Variants in CNBD1 observed in about 807,000 individuals in gnomAD.
CNBD1 encodes the protein cyclic nucleotide binding domain containing 1, also known as cyclic nucleotide-binding domain-containing protein 1.
CNBD1 carries 71 observed loss-of-function variants against 54.4 expected under a neutral mutation model. The observed-to-expected ratio is 1.30, with a 90% confidence interval of 1.08 to 1.59. The LOEUF is 1.59. Ranked by LOEUF, CNBD1 falls within the 40% of genes most tolerant of loss-of-function variation. The probability of loss-of-function intolerance (pLI) is 0.00; values close to 1 mark genes in which losing one functional copy is unlikely to be tolerated. For synonymous variants in CNBD1, 182 were observed against 170.7 expected, an observed-to-expected ratio of 1.07 and a Z score of -0.51; for missense variants, 659 against 518.0, an observed-to-expected ratio of 1.27 and a Z score of -2.64.
chr8:86,885,542 T>C (rs7818940), intron 1 of CNBD1, among the ~76,000 whole-genome samples: 70,365 of 152,024 alleles, frequency 0.46, 16,500 homozygotes, highest in East Asian at 0.55. Context: ...CTTTATACTC[T>C]TTGAACCTCT....
chr8:87,331,724 A>G (rs1218619486), intron 8 of CNBD1, among the ~76,000 whole-genome samples: 1 of 152,050 alleles, frequency 6.6e-6, no homozygotes, highest in Non-Finnish European at 1.5e-5. Flanking sequence ...ACCAGCATCT[A>G]TTGTTGGTTT....
At chr8:86,997,248 A>C (rs1343402545) in intron 4 of CNBD1, among the ~76,000 whole-genome samples, 1 of 152,166 alleles carries the variant, frequency 6.6e-6, no homozygotes, top group Admixed American at 6.5e-5. Flanking sequence ...TTTAGAGAAG[A>C]CAGATTTAAG....
intron 4 of CNBD1, among the ~76,000 whole-genome samples, chr8:87,113,052 G>T (rs1439943517): frequency 6.6e-6 from 1 of 152,198 alleles, no homozygotes; most frequent in African/African-American, 2.4e-5. Context: ...TTGCATCATA[G>T]AGACTGTCCT....
At chr8:87,070,065 A>C (rs1465749694) in intron 4 of CNBD1, among the ~76,000 whole-genome samples, 1 of 152,088 alleles carries the variant, frequency 6.6e-6, no homozygotes, top group Non-Finnish European at 1.5e-5. Context: ...AGATAGCTGG[A>C]TACTCAAAGG....
At chr8:87,219,960 A>C (rs1245295603) in intron 5 of CNBD1, among the ~76,000 whole-genome samples, 1 of 152,040 alleles carries the variant, frequency 6.6e-6, no homozygotes, top group East Asian at 1.9e-4. Context: ...ACTAAAAAAT[A>C]ATAGGCAATA....
At chr8:87,115,634 T>C (rs1301711282) in intron 4 of CNBD1, among the ~76,000 whole-genome samples, 2 of 152,100 alleles carry the variant, frequency 1.3e-5, no homozygotes, top group Non-Finnish European at 2.9e-5. Context: ...TGGGAAATAG[T>C]TCTTAAGGTT....
At chr8:87,310,735 A>T (rs978941020) in intron 8 of CNBD1, among the ~76,000 whole-genome samples, 1 of 152,186 alleles carries the variant, frequency 6.6e-6, no homozygotes, top group Non-Finnish European at 1.5e-5. Flanking sequence ...TTCAAACTGT[A>T]CTATAAGGCT....
chr8:87,163,559 TA>T lies in CNBD1; in HGVS notation c.432-42433del, dbSNP rs748618017. ...ATTCCTAAGTATTTAAAATATTAAA[TA>T]TTTTTTTGTTGCTGTTGTAATTGAC... On this transcript the variant is annotated intron_variant, in intron 4 of 10. Transcript: ENST00000518476. The surrounding 1 kb of genome is among the most constrained non-coding windows in gnomAD (Gnocchi z 4.5). Among the ~76,000 whole-genome samples, 29 of 152,026 alleles carry T rather than the reference TA, an allele frequency of 1.9e-4. No individual in the cohort carries two copies. The highest frequency in any genetic ancestry group is 5.1e-4 in the African/African-American group (21 of 41,542).
chr8:87,385,237 G>A (rs372764079), downstream of CNBD1, among the ~76,000 whole-genome samples: 34 of 152,222 alleles, frequency 2.2e-4, no homozygotes, highest in African/African-American at 5.5e-4. Flanking sequence ...CTGAGCTACC[G>A]GGTTCATCTC....
intron 8 of CNBD1, among the ~76,000 whole-genome samples, chr8:87,339,324 C>T (rs2130917474): frequency 7.0e-6 from 1 of 143,136 alleles, no homozygotes; most frequent in East Asian, 2.0e-4. Flanking sequence ...CTCAGGCTTG[C>T]CCACACCAAG....
downstream of CNBD1, among the ~76,000 whole-genome samples, chr8:87,385,914 C>G (rs1220796526): frequency 6.6e-6 from 1 of 152,138 alleles, no homozygotes; most frequent in East Asian, 1.9e-4. Flanking sequence ...TCCTCTGAGA[C>G]AAAATTTCCA....
At chr8:87,151,426 T>C (rs192950979) in intron 4 of CNBD1, among the ~76,000 whole-genome samples, 137 of 152,340 alleles carry the variant, frequency 9.0e-4, no homozygotes, top group African/African-American at 3.0e-3. Flanking sequence ...TACAAGTATA[T>C]AGCATGTAGA....
intron 8 of CNBD1, among the ~76,000 whole-genome samples, chr8:87,307,732 C>T (rs906573061): frequency 1.2e-4 from 10 of 83,060 alleles, no homozygotes; most frequent in East Asian, 7.6e-4. Flanking sequence ...AGTGAAACTC[C>T]GTCTCAAAAA....
intron 4 of CNBD1, among the ~76,000 whole-genome samples, chr8:86,967,660 C>T (rs896433047): frequency 4.6e-5 from 7 of 152,172 alleles, no homozygotes; most frequent in African/African-American, 1.7e-4. Context: ...TTTATCACTT[C>T]TTATATTTTC....
intron 4 of CNBD1, among the ~76,000 whole-genome samples, chr8:87,167,612 GTGGTC>G (rs1812992013): frequency 1.3e-5 from 2 of 151,832 alleles, no homozygotes; most frequent in Non-Finnish European, 2.9e-5. Flanking sequence ...GAACCACCTG[GTGGTC>G]TGGTTCTCGC....
At chr8:87,354,245 A>G (rs1349522006) in intron 10 of CNBD1, among the ~76,000 whole-genome samples, 2 of 149,180 alleles carry the variant, frequency 1.3e-5, no homozygotes, top group East Asian at 3.9e-4. Context: ...AATAGCAATA[A>G]TAATATTAGT....
At chr8:86,991,877 G>C (rs1455801489) in intron 4 of CNBD1, among the ~76,000 whole-genome samples, 3 of 152,102 alleles carry the variant, frequency 2.0e-5, no homozygotes, top group African/African-American at 4.8e-5. Flanking sequence ...TAAAGAGTGT[G>C]CTTAGTATGA....
In CNBD1 at chr8:87,076,448, C is replaced by CT. The variant is rs1057190986; in HGVS notation, c.432-129533dup. 5.0e-3 allele frequency among the ~76,000 whole-genome samples: 723 copies of CT among 146,024 alleles called. 2 individuals are homozygous for CT. The highest frequency in any genetic ancestry group is 0.015 in the African/African-American group (605 of 40,058). ...TAAAATATTAAATAGTGTAATGGAA[C>CT]TTTTTTTTTTTTGAGACAGAGTCTC... On this transcript the variant is annotated intron_variant, in intron 4 of 10. Transcript: ENST00000518476.
Position 87,369,621 on chromosome 8 carries a change from G to A in CNBD1, c.1304-12999G>A, listed in dbSNP as rs551385275. ...CTTTTTCTTTCAGCACTTTGAGCAT[G>A]TTATTCCTCCTTCTTCTGGCCTCTA... On this transcript the variant is annotated intron_variant, in intron 10 of 10. Coordinates refer to ENST00000518476, the MANE Select transcript of CNBD1 (RefSeq NM_173538.3). 5.9e-5 allele frequency among the ~76,000 whole-genome samples: 9 copies of A among 152,058 alleles called. No homozygotes were observed. In the South Asian group the frequency reaches 1.4e-3, roughly 24 times the overall value.
Sources: gnomAD v4.1 joint callset for allele counts (sites outside exome capture counted in the v4.1 genomes callset) on GRCh38, gnomAD v4.1.1 for gene constraint, Gnocchi (gnomAD v3.1) non-coding constraint, MANE v1.5 for transcripts, NCBI Gene and HGNC (gene_info 2026-07-23, HGNC 2026-07-21) for gene names.